IQUB: variants seen among roughly 807,000 people sequenced by gnomAD.
IQUB encodes the protein IQ motif and ubiquitin domain containing, also known as IQ motif and ubiquitin-like domain-containing protein.
IQUB carries 86 observed loss-of-function variants against 86.4 expected under a neutral mutation model. The observed-to-expected ratio is 1.00, with a 90% CI of 0.84 to 1.19. The LOEUF (loss-of-function observed/expected upper bound fraction) is 1.19. IQUB is among the 50% of genes most tolerant of loss of function. The probability of loss-of-function intolerance (pLI) is 0.00; values close to 1 mark genes in which losing one functional copy is unlikely to be tolerated. For missense variants in IQUB, 946 were observed against 916.9 expected (o/e 1.03, Z -0.41); for synonymous variants, 289 against 304.5 (o/e 0.95, Z 0.53).
In IQUB at chr7:123,461,654, G is replaced by C; in HGVS notation, c.1759-49C>G. ...AAAAAAGGTCTAAAAAGCCAGGCCA[G>C]GCCAAATATGATCCTAACCAATGGA... On this transcript the variant is annotated intron_variant, in intron 10 of 12. Coordinates refer to ENST00000324698, the MANE Select transcript of IQUB (RefSeq NM_178827.5). The C allele has an allele frequency of 1.4e-6, 2 of 1,458,846 alleles. 1 individual carries two copies. Among genetic ancestry groups the C allele is most frequent in the South Asian group, 2.9e-5 (2 of 68,558 alleles). The allele number at this position is 1,458,846 out of a possible 1,614,324, so 90.4% of individuals were successfully genotyped here. A position where few individuals can be genotyped will look rare whatever the true frequency, so the allele number is the denominator to read the frequency against.
chr7:123,499,754 G>A (rs1795859273), intron 6 of IQUB, among the ~76,000 whole-genome samples: 1 of 152,180 alleles, frequency 6.6e-6, no homozygotes, highest in Admixed American at 6.5e-5. Context: ...ATGAGTAACT[G>A]TCAGAGGCGT....
At chr7:123,510,471 C>G (rs17146054) in intron 2 of IQUB, among the ~76,000 whole-genome samples, 36,818 of 151,782 alleles carry the variant, frequency 0.24, 4,899 homozygotes, top group East Asian at 0.33. Context: ...AAGAGAGAAT[C>G]AAGATACTTA....
chr7:123,453,628 T>TGAG (rs1366355456), intron 12 of IQUB, among the ~76,000 whole-genome samples: 8 of 151,902 alleles, frequency 5.3e-5, no homozygotes, highest in Admixed American at 4.6e-4. Flanking sequence ...TAAATATGGC[T>TGAG]GAGGAAAAAG....
intron 1 of IQUB, among the ~76,000 whole-genome samples, chr7:123,527,860 G>GA (rs1329739356): frequency 2.6e-5 from 4 of 152,208 alleles, no homozygotes; most frequent in Non-Finnish European, 4.4e-5. Context: ...GAGCTTCCCA[G>GA]CTGCTTTGTT....
At chr7:123,491,885 T>C (rs1291588964) in intron 7 of IQUB, among the ~76,000 whole-genome samples, 4 of 152,128 alleles carry the variant, frequency 2.6e-5, no homozygotes, top group Admixed American at 2.6e-4. Flanking sequence ...TCAATATCCC[T>C]TAGGAATGTA....
intron 2 of IQUB, among the ~76,000 whole-genome samples, chr7:123,510,248 C>A (rs1796359534): frequency 1.3e-5 from 2 of 152,028 alleles, no homozygotes; most frequent in Non-Finnish European, 2.9e-5. Context: ...CTTTGAAAAT[C>A]AACCCATAAT....
chr7:123,479,458 C>T (rs1012487011), intron 8 of IQUB, among the ~76,000 whole-genome samples: 7 of 152,000 alleles, frequency 4.6e-5, no homozygotes, highest in African/African-American at 1.7e-4. Context: ...TGATACTCTG[C>T]ATTTTATCAC....
chr7:123,486,907 A>G (rs1795234769), intron 7 of IQUB, among the ~76,000 whole-genome samples: 1 of 151,090 alleles, frequency 6.6e-6, no homozygotes, highest in Non-Finnish European at 1.5e-5. Context: ...GAACATTGGT[A>G]AATTGAGAAA....
In IQUB at chr7:123,479,936, T is replaced by C. The variant is rs10500091; in HGVS notation, c.1269A>G (p.Gln423=). 0.27 allele frequency: 440,600 copies of C among 1,610,632 alleles called. 62,540 individuals carry two copies. Among genetic ancestry groups the C allele is most frequent in the East Asian group, 0.34 (15,033 of 44,810 alleles). ...CTTTCCTTTCAGCTCCAGTAAAAGATTGGTTAATACGTGTAAGTTCTTCTT... is the reference window on the plus strand; with the variant it reads ...CTTTCCTTTCAGCTCCAGTAAAAGACTGGTTAATACGTGTAAGTTCTTCTT... ...WRQEELTRIN[Q]SFTGAERKAA... is the part of the protein sequence containing the mutation. Residue 423 remains glutamine (Q), a synonymous_variant, in exon 8 of 13, where the codon CAA becomes CAG. Transcript: ENST00000324698.
At chr7:123,491,234 T>A (rs556214611) in intron 7 of IQUB, among the ~76,000 whole-genome samples, 2 of 152,074 alleles carry the variant, frequency 1.3e-5, no homozygotes, top group Admixed American at 1.3e-4. Flanking sequence ...AAGGGAAAAT[T>A]TACAGCACCA....
chr7:123,467,462 C>A (rs1794314998), intron 9 of IQUB, among the ~76,000 whole-genome samples: 1 of 152,134 alleles, frequency 6.6e-6, no homozygotes, highest in African/African-American at 2.4e-5. Flanking sequence ...CATCTAAGGT[C>A]ATGTTTCTTC....
chr7:123,533,902 T>A (rs892088331), intron 1 of IQUB, among the ~76,000 whole-genome samples: 3 of 152,256 alleles, frequency 2.0e-5, no homozygotes, highest in African/African-American at 7.2e-5. Flanking sequence ...ACCTCTATCA[T>A]GTTTGCATAC....
At chr7:123,525,896 G>A (rs1370072705) in intron 1 of IQUB, among the ~76,000 whole-genome samples, 5 of 145,864 alleles carry the variant, frequency 3.4e-5, no homozygotes, top group African/African-American at 5.1e-5. Context: ...ATGCTGGTAT[G>A]TTGTGTCTTT....
At chr7:123,453,842 T>C (rs1271009094) in intron 12 of IQUB, among the ~76,000 whole-genome samples, 1 of 152,214 alleles carries the variant, frequency 6.6e-6, no homozygotes, top group Non-Finnish European at 1.5e-5. Flanking sequence ...TGTTTCTCTG[T>C]AATTACTTAG....
intron 1 of IQUB, among the ~76,000 whole-genome samples, chr7:123,532,182 T>C (rs1797563714): frequency 1.3e-5 from 2 of 152,072 alleles, no homozygotes. Context: ...CAAAGGTGAG[T>C]AAACTGAAAA....
chr7:123,490,716 G>A (rs1473157690), intron 7 of IQUB, among the ~76,000 whole-genome samples: 1 of 152,164 alleles, frequency 6.6e-6, no homozygotes. Context: ...TGTAATCTCA[G>A]CACTTTGGAA....
At chr7:123,463,362 A>C (rs1280187402) in intron 10 of IQUB, among the ~76,000 whole-genome samples, 1 of 151,802 alleles carries the variant, frequency 6.6e-6, no homozygotes, top group Non-Finnish European at 1.5e-5. Context: ...TTCATAAAAG[A>C]CCAAAACTCT....
At chr7:123,461,718 T>TAAA in intron 10 of IQUB, 113 bp from the exon 11 acceptor site, 1 of 873,226 alleles carries the variant, frequency 1.1e-6, no homozygotes, top group Admixed American at 3.9e-5. Context: ...GAATGAGATT[T>TAAA]AAAAAAAAAA....
chr7:123,493,100 C>T (rs1475721102), intron 7 of IQUB, among the ~76,000 whole-genome samples: 1 of 152,182 alleles, frequency 6.6e-6, no homozygotes, highest in East Asian at 1.9e-4. Context: ...AAGCCCTCCT[C>T]TAGTTCTCTA....
Sources: gnomAD v4.1 joint callset for allele counts (sites outside exome capture counted in the v4.1 genomes callset) on GRCh38, gnomAD v4.1.1 for gene constraint, MANE v1.5 for transcripts, NCBI Gene and HGNC (gene_info 2026-07-23, HGNC 2026-07-21) for gene names.